The following CEMIP2 variants were observed in gnomAD, a reference collection of about 807,000 sequenced individuals.
CEMIP2 encodes the protein cell surface hyaluronidase CEMIP2.
CEMIP2 carries 79 observed loss-of-function variants against 146.9 expected under a neutral mutation model. The observed-to-expected ratio is 0.54, with a 90% CI of 0.45 to 0.65. The LOEUF (loss-of-function observed/expected upper bound fraction) is 0.65. Ranked by LOEUF, CEMIP2 falls within the 30% of genes least tolerant of loss-of-function variation. The probability of loss-of-function intolerance (pLI) is 0.00; values close to 1 mark genes in which losing one functional copy is unlikely to be tolerated. For missense variants in CEMIP2, 1,596 were observed against 1,696.2 expected (o/e 0.94, Z 1.04); for synonymous variants, 601 against 606.3 (o/e 0.99, Z 0.13).
At chr9:71,745,652 T>C in intron 3 of CEMIP2, 73 bp from the exon 4 acceptor site, 14 of 1,403,656 alleles carry the variant, frequency 1.0e-5, no homozygotes, top group Non-Finnish European at 1.3e-5. Flanking sequence ...GATTTCACCT[T>C]AAGTTAAATA....
At chr9:71,748,987 T>C (rs1824168549) in intron 2 of CEMIP2, among the ~76,000 whole-genome samples, 1 of 152,234 alleles carries the variant, frequency 6.6e-6, no homozygotes, top group East Asian at 1.9e-4. Flanking sequence ...TCCAGGCTGT[T>C]AGAGTCTTCT....
chr9:71,740,197 C>T lies in CEMIP2; in HGVS notation c.1070G>A (p.Gly357Glu). The T allele has an allele frequency of 6.2e-7, 1 of 1,613,874 alleles. No homozygotes were observed. The highest frequency in any genetic ancestry group is 8.5e-7 in the Non-Finnish European group (1 of 1,180,000). ...CACGGATTCATTGCAAGAAGTGCTT[C>T]CACCATCAATGACACCAACTAAAGC... ...AWALVGVIDG[G>E]STSCNESVRN... Residue 357 changes from glycine (G) to glutamate (E), a missense_variant, in exon 5 of 24, where the codon GGA (glycine) becomes GAA (glutamate). Gly to Glu is a moderately conservative substitution (Grantham distance 98, BLOSUM62 -2). Transcript: ENST00000377044.
intron 12 of CEMIP2, among the ~76,000 whole-genome samples, chr9:71,720,767 T>C (rs561037721): frequency 1.7e-4 from 26 of 152,350 alleles, no homozygotes; most frequent in African/African-American, 5.3e-4. Flanking sequence ...AAACACTAGT[T>C]CAGTATATGC....
chr9:71,687,353 G>C (rs1822093682), intron 22 of CEMIP2: 1 of 152,054 alleles, frequency 6.6e-6, no homozygotes, highest in Admixed American at 6.6e-5. Context: ...CATGAAACTG[G>C]TCCATGAAAT....
chr9:71,703,621 C>T (rs550161658), intron 18 of CEMIP2, among the ~76,000 whole-genome samples: 13 of 152,258 alleles, frequency 8.5e-5, no homozygotes, highest in African/African-American at 3.1e-4. Context: ...TTCATGGAGT[C>T]GCATGGGTTA....
rs1010879160 is a variant in CEMIP2, at chr9:71,756,506, T to TCTCACA, written c.-12-6122_-12-6121insTGTGAG. On this transcript the variant is annotated intron_variant, in intron 1 of 23. Transcript: ENST00000377044. Reference sequence around the variant, plus strand: ...CTCTCTCTCTCTCTCTCTCTCTCTCTCACACACACACACACACACACACAC... The same window carrying TCTCACA: ...CTCTCTCTCTCTCTCTCTCTCTCTCTCTCACACACACACACACACACACACACACAC... Among the ~76,000 whole-genome samples the TCTCACA allele has an allele frequency of 1.9e-3, 209 of 112,528 alleles. 2 individuals are homozygous for TCTCACA. Among genetic ancestry groups the TCTCACA allele is most frequent in the African/African-American group, 5.0e-3 (147 of 29,364 alleles). 73.8% of individuals were successfully genotyped at this position (112,528 alleles called of 152,430 possible). A position where few individuals can be genotyped will look rare whatever the true frequency, so the allele number is the denominator to read the frequency against.
intron 12 of CEMIP2, 46 bp from the exon 13 acceptor site, chr9:71,718,125 T>C: frequency 1.9e-6 from 3 of 1,544,864 alleles, no homozygotes; most frequent in Non-Finnish European, 2.6e-6. Context: ...ATAAAAGCCA[T>C]AGGAATTAGC....
chr9:71,725,924 G>T (rs1823370929), intron 10 of CEMIP2, among the ~76,000 whole-genome samples: 1 of 152,084 alleles, frequency 6.6e-6, no homozygotes, highest in Non-Finnish European at 1.5e-5. Flanking sequence ...TTTGCTTGCA[G>T]GATTGGACAA....
At chr9:71,719,848 A>C (rs1181699281) in intron 12 of CEMIP2, among the ~76,000 whole-genome samples, 1 of 150,638 alleles carries the variant, frequency 6.6e-6, no homozygotes, top group Non-Finnish European at 1.5e-5. Context: ...AAAGCAAAAA[A>C]AAAAAAAAAA....
Position 71,752,684 on chromosome 9 carries a change from CCAAA to C in CEMIP2, c.-12-2303_-12-2300del, listed in dbSNP as rs1189678380. ...TACAATTAATCCCCTTCATCTTCTG[CCAAA>C]CAGTGAATAAGATTCTAGTCATAAA... On this transcript the variant is annotated intron_variant, in intron 1 of 23. Coordinates refer to ENST00000377044, the MANE Select transcript of CEMIP2 (RefSeq NM_013390.3). Among the ~76,000 whole-genome samples the C allele has an allele frequency of 4.6e-5, 7 of 152,054 alleles. No homozygotes were observed. In the East Asian group the frequency reaches 1.2e-3, roughly 25 times the overall value.
chr9:71,706,240 G>GAAAA (rs35856513), intron 17 of CEMIP2, among the ~76,000 whole-genome samples: 1 of 134,756 alleles, frequency 7.4e-6, no homozygotes, highest in African/African-American at 2.7e-5. Context: ...AAAAAAAAAG[G>GAAAA]AAAAAAAAAA....
chr9:71,721,625 A>G (rs1055363593), intron 12 of CEMIP2, among the ~76,000 whole-genome samples: 1 of 152,198 alleles, frequency 6.6e-6, no homozygotes, highest in African/African-American at 2.4e-5. Flanking sequence ...TTCCTACTTG[A>G]TTCTTTGAAG....
At chr9:71,690,045 A>G (rs1405486355) in intron 22 of CEMIP2, 47 bp downstream of exon 22, 4 of 1,600,428 alleles carry the variant, frequency 2.5e-6, no homozygotes, top group South Asian at 1.1e-5. Flanking sequence ...GGAGCACTCC[A>G]CATCTTTAAG....
intron 1 of CEMIP2, among the ~76,000 whole-genome samples, chr9:71,763,297 T>C (rs542109216): frequency 6.6e-6 from 1 of 152,068 alleles, no homozygotes; most frequent in Non-Finnish European, 1.5e-5. Context: ...CACCAATAAT[T>C]AAGTAAGAGC....
intron 5 of CEMIP2, among the ~76,000 whole-genome samples, chr9:71,737,529 A>G (rs1361896224): frequency 6.6e-6 from 1 of 152,210 alleles, no homozygotes; most frequent in Non-Finnish European, 1.5e-5. Context: ...GCAAGGAACA[A>G]CCAATAATAT....
At chr9:71,710,752 A>G (rs758455214) in intron 16 of CEMIP2, among the ~76,000 whole-genome samples, 3 of 152,148 alleles carry the variant, frequency 2.0e-5, no homozygotes, top group Non-Finnish European at 4.4e-5. Context: ...CGTACTGGAC[A>G]GGGGATCCAA....
In CEMIP2 at chr9:71,762,733, G is replaced by C. The variant is rs569589992; in HGVS notation, c.-13+5624C>G. On this transcript the variant is annotated intron_variant, in intron 1 of 23. Transcript: ENST00000377044. ...TGGCATTAAAAAGCAATGTTAGTAT[G>C]GGTGCAGTGGCTCACGCCTGTAATC... Among the ~76,000 whole-genome samples, 3 of 152,276 alleles carry C rather than the reference G, an allele frequency of 2.0e-5. No homozygotes were observed. The South Asian group carries it at 6.2e-4, about 32-fold the overall frequency.
At chr9:71,696,778 C>A (rs1359339020) in intron 20 of CEMIP2, among the ~76,000 whole-genome samples, 1 of 150,858 alleles carries the variant, frequency 6.6e-6, no homozygotes, top group African/African-American at 2.4e-5. Flanking sequence ...TCAACAACAA[C>A]AACAAAAAGC....
rs1354085787 is a variant in CEMIP2 at position 71,728,205 on chromosome 9, C to CTCTCTCTCTCTCTCTCTCTCTCTA, written c.2049+1639_2049+1640insTAGAGAGAGAGAGAGAGAGAGAGA. On this transcript the variant is annotated intron_variant, in intron 10 of 23. Coordinates refer to ENST00000377044, the MANE Select transcript of CEMIP2 (RefSeq NM_013390.3). ...ACACAGCGAAACCTTCTCTCTCTCT[C>CTCTCTCTCTCTCTCTCTCTCTCTA]TCTCTCTCTCTCTCTCTCTCTCTCT... 3.4e-4 allele frequency among the ~76,000 whole-genome samples: 10 copies of CTCTCTCTCTCTCTCTCTCTCTCTA among 29,066 alleles called. 1 individual carries two copies. Among genetic ancestry groups the CTCTCTCTCTCTCTCTCTCTCTCTA allele is most frequent in the African/African-American group, 9.0e-4 (10 of 11,138 alleles). 19.1% of individuals were successfully genotyped at this position (29,066 alleles called of 152,430 possible).
Sources: allele counts gnomAD v4.1 joint callset (sites outside exome capture counted in the v4.1 genomes callset), GRCh38; gene constraint gnomAD v4.1.1; transcripts MANE v1.5; gene names NCBI Gene and HGNC (gene_info 2026-07-23, HGNC 2026-07-21).